The following DMD variants were observed in gnomAD, a reference collection of about 807,000 sequenced individuals.
The protein encoded by DMD is dystrophin.
A neutral mutation model predicts 330.1 loss-of-function variants in DMD; 63 were observed. That is an observed-to-expected ratio of 0.19 (90% CI 0.16 to 0.24). The LOEUF is 0.24. Among genes scored for constraint, DMD ranks in the 10% least tolerant of loss-of-function variants. DMD has a pLI of 1.00. For synonymous variants in DMD, 1,223 were observed against 959.8 expected (o/e 1.27, Z -5.07); for missense variants, 3,344 against 2,684.1 (o/e 1.25, Z -5.43).
chrX:32,567,282 C>G (rs1336104106), intron 15 of DMD, among the ~76,000 whole-genome samples: 7 of 112,428 alleles, frequency 6.2e-5, no homozygotes, highest in Non-Finnish European at 1.3e-4. Context: ...ACAATAAGTT[C>G]AGTATTTTTC....
At chrX:32,736,923 A>T (rs2068582157) in intron 7 of DMD, among the ~76,000 whole-genome samples, 1 of 111,558 alleles carries the variant, frequency 9.0e-6, no homozygotes, top group South Asian at 3.7e-4. Flanking sequence ...TAATAATAAA[A>T]GAAAAAAAAA....
chrX:31,804,811 A>C (rs2149362946), intron 50 of DMD, among the ~76,000 whole-genome samples: 1 of 104,972 alleles, frequency 9.5e-6, no homozygotes, highest in African/African-American at 3.5e-5. Flanking sequence ...ACACCTACTT[A>C]TCCTTCAAGT....
intron 44 of DMD, among the ~76,000 whole-genome samples, chrX:32,055,210 T>C (rs1238628159): frequency 1.8e-5 from 2 of 111,249 alleles, no homozygotes; most frequent in Non-Finnish European, 3.8e-5. Flanking sequence ...AGATGAGAAA[T>C]TTGCACTAGA....
chrX:31,267,359 A>C (rs1385297349), intron 62 of DMD, among the ~76,000 whole-genome samples: 1 of 112,257 alleles, frequency 8.9e-6, no homozygotes, highest in Non-Finnish European at 1.9e-5. Context: ...CCTCAGTTGA[A>C]GATTAAAGTG....
intron 44 of DMD, among the ~76,000 whole-genome samples, chrX:32,049,225 G>C (rs1326828496): frequency 9.0e-6 from 1 of 111,125 alleles, no homozygotes; most frequent in African/African-American, 3.3e-5. Flanking sequence ...CTTACAAAGA[G>C]GAATACTATG....
chrX:31,415,042 T>C (rs1419647713), intron 60 of DMD, among the ~76,000 whole-genome samples: 4 of 112,269 alleles, frequency 3.6e-5, no homozygotes, highest in Non-Finnish European at 5.6e-5. Context: ...CATTCCTTAA[T>C]AGCGGCTCAG....
chrX:31,505,845 G>A (rs1488205918), intron 56 of DMD, among the ~76,000 whole-genome samples: 2 of 110,755 alleles, frequency 1.8e-5, no homozygotes, highest in Non-Finnish European at 3.8e-5. Flanking sequence ...TGTTGGCCAG[G>A]ATGGTCTCGA....
chrX:31,701,325 C>T (rs1265327810), intron 52 of DMD, among the ~76,000 whole-genome samples: 2 of 112,111 alleles, frequency 1.8e-5, no homozygotes, highest in African/African-American at 3.2e-5. Flanking sequence ...GCATACTCCA[C>T]CATCCAACTA....
chrX:31,960,965 T>C (rs183231758), intron 45 of DMD, among the ~76,000 whole-genome samples: 1 of 111,871 alleles, frequency 8.9e-6, no homozygotes, highest in East Asian at 2.8e-4. Context: ...GGATTGCATC[T>C]AAAACATCTT....
At chrX:31,390,903 C>T (rs1037076232) in intron 60 of DMD, among the ~76,000 whole-genome samples, 1 of 111,459 alleles carries the variant, frequency 9.0e-6, no homozygotes, top group Non-Finnish European at 1.9e-5. Context: ...AACTCTCCAG[C>T]CTTGTCCTGT....
chrX:32,966,263 C>G (rs1324123072), intron 2 of DMD, among the ~76,000 whole-genome samples: 2 of 111,747 alleles, frequency 1.8e-5, no homozygotes, highest in Admixed American at 1.9e-4. Context: ...ATATGAGGAG[C>G]TGCAAAAAGC....
At chrX:31,574,385 C>T (rs1269039510) in intron 55 of DMD, among the ~76,000 whole-genome samples, 4 of 110,120 alleles carry the variant, frequency 3.6e-5, no homozygotes, top group Non-Finnish European at 5.7e-5. Flanking sequence ...CCTCGTGATC[C>T]GCCTGCCTCG....
At chrX:33,051,510 C>A in intron 1 of DMD, among the ~76,000 whole-genome samples, 1 of 109,751 alleles carries the variant, frequency 9.1e-6, no homozygotes, top group East Asian at 2.8e-4. Context: ...CTGCGCCTGG[C>A]CTCAACCGAC....
At chrX:31,206,891 A>C (rs995202724) in intron 65 of DMD, among the ~76,000 whole-genome samples, 1 of 111,531 alleles carries the variant, frequency 9.0e-6, no homozygotes, top group Non-Finnish European at 1.9e-5. Context: ...AACCAACTTG[A>C]CCACTGAATG....
intron 2 of DMD, among the ~76,000 whole-genome samples, chrX:32,937,659 C>G (rs907874000): frequency 9.3e-5 from 10 of 107,694 alleles, no homozygotes; most frequent in African/African-American, 3.4e-4. Context: ...TGGAGGTACA[C>G]GAGGTATACA....
chrX:32,765,411 C>T (rs2072857846), intron 7 of DMD, among the ~76,000 whole-genome samples: 1 of 110,956 alleles, frequency 9.0e-6, no homozygotes, highest in Admixed American at 9.6e-5. Flanking sequence ...CCAGGTCACC[C>T]TTCCCTTTCT....
intron 51 of DMD, among the ~76,000 whole-genome samples, chrX:31,757,053 G>A (rs989183949): frequency 1.8e-5 from 2 of 108,601 alleles, no homozygotes; most frequent in African/African-American, 3.4e-5. Flanking sequence ...TGAAAACATC[G>A]ATCTTTAAAA....
At chrX:31,990,721 C>T (rs2095544402) in intron 44 of DMD, among the ~76,000 whole-genome samples, 1 of 112,090 alleles carries the variant, frequency 8.9e-6, no homozygotes, top group Non-Finnish European at 1.9e-5. Flanking sequence ...ACATTAATAA[C>T]TCACGTAAGC....
intron 7 of DMD, among the ~76,000 whole-genome samples, chrX:32,795,720 G>A (rs1046689227): frequency 8.9e-6 from 1 of 111,990 alleles, no homozygotes; most frequent in Non-Finnish European, 1.9e-5. Context: ...ATTCAGACAA[G>A]AGACTAATAT....
Sources: allele counts gnomAD v4.1 joint callset (sites outside exome capture counted in the v4.1 genomes callset), GRCh38; gene constraint gnomAD v4.1.1; transcripts MANE v1.5; gene names NCBI Gene and HGNC (gene_info 2026-07-23, HGNC 2026-07-21).